Variants in LIN7B observed in about 807,000 individuals in gnomAD.
The protein encoded by LIN7B is lin-7 cell polarity scaffold B.
Under a neutral mutation model 27.9 loss-of-function variants are expected in LIN7B, and 16 were observed. The ratio of observed to expected loss-of-function variants is 0.57; its 90% confidence interval spans 0.39 to 0.87. The LOEUF (loss-of-function observed/expected upper bound fraction) is 0.87, where lower values mean the gene tolerates loss of function less well. Among genes scored for constraint, LIN7B ranks in the 40% least tolerant of loss-of-function variants. The probability of loss-of-function intolerance (pLI) is 0.00; values close to 1 mark genes in which losing one functional copy is unlikely to be tolerated. For synonymous variants in LIN7B, 147 were observed against 120.8 expected (o/e 1.22, Z -1.42); for missense variants, 291 against 288.5 (o/e 1.01, Z -0.06).
intron 4 of LIN7B, 95 bp downstream of exon 4, chr19:49,116,567 G>A: frequency 8.5e-7 from 1 of 1,173,154 alleles, no homozygotes. Context: ...ACTGAGTGTT[G>A]TCTGTATGGC....
At position 49,118,038 on chromosome 19, in the gene LIN7B, C is replaced by A; in HGVS notation, c.602+20C>A. ...CTACTCGTGAGCCCCTGGGTCACCA[C>A]ACCCCTGGGGCCTCCACGGGCTCCC... On this transcript the variant is annotated intron_variant, in intron 5 of 5. Coordinates refer to ENST00000221459, the MANE Select transcript of LIN7B (RefSeq NM_022165.3). The A allele has an allele frequency of 2.5e-6, 4 of 1,613,324 alleles. No individual in the cohort carries two copies. In the South Asian group the frequency reaches 4.4e-5, roughly 18 times the overall value.
rs780149711 is a variant in LIN7B, at chr19:49,117,974, G to A, written c.558G>A (p.Glu186=). Residue 186 remains glutamate, a synonymous_variant, in exon 5 of 6, where the codon GAG becomes GAA. Coordinates refer to ENST00000221459, the MANE Select transcript of LIN7B (RefSeq NM_022165.3). ...TGGAGGAGATGGAGGCCCGGTTCGA[G>A]AAGATGCGCTCTGCCCGCCGGCGCC... ...RVLEEMEARF[E]KMRSARRRQQ... The A allele has an allele frequency of 2.5e-6, 4 of 1,614,066 alleles. No individual in the cohort carries two copies. Among genetic ancestry groups the A allele is most frequent in the East Asian group, 2.2e-5 (1 of 44,884 alleles).
Position 49,116,307 on chromosome 19 carries a change from C to G in LIN7B, c.273C>G (p.Pro91=). 1 of 1,614,206 alleles carries G rather than the reference C, an allele frequency of 6.2e-7. No homozygotes were observed. The highest frequency in any genetic ancestry group is 1.1e-5 in the South Asian group (1 of 91,084). The change falls in exon 4 of 6, where the codon CCC becomes CCG. Residue 91 remains proline (P), a synonymous_variant. Coordinates refer to ENST00000221459, the MANE Select transcript of LIN7B (RefSeq NM_022165.3). ...AFTASEGHAH[P]RVVELPKTDE... ...CAGCCAGCGAGGGCCACGCACATCC[C>G]AGGGTAGTGGAGCTACCCAAGACGG...
At chr19:49,116,943 TA>T (rs1168618150) in intron 4 of LIN7B, among the ~76,000 whole-genome samples, 1 of 151,984 alleles carries the variant, frequency 6.6e-6, no homozygotes, top group Non-Finnish European at 1.5e-5. Context: ...GGCATGCAGG[TA>T]ATTAAAATCA....
chr19:49,114,830 C>A lies in LIN7B; in HGVS notation c.38-19C>A. ...GTCTCTGACACTCGGGGTTTCTGCG[C>A]CCCGCCCCCGCCCCGCAGACGTGTC... On this transcript the variant is annotated intron_variant, in intron 1 of 5. Transcript: ENST00000221459. The A allele has an allele frequency of 2.2e-6, 3 of 1,389,768 alleles. No homozygotes were observed. The highest frequency in any genetic ancestry group is 2.8e-6 in the Non-Finnish European group (3 of 1,061,342). 86.1% of individuals were successfully genotyped at this position (1,389,768 alleles called of 1,614,324 possible).
Position 49,116,282 on chromosome 19 carries a change from C to T in LIN7B, c.248C>T (p.Thr83Ile), listed in dbSNP as rs144988261. 6.1e-4 allele frequency: 992 copies of T among 1,613,592 alleles called. 1 individual carries two copies. The highest frequency in any genetic ancestry group is 7.5e-4 in the Non-Finnish European group (880 of 1,179,714). ...ATAKATVAAF[T>I]ASEGHAHPRV... The stretch of plus-strand genomic sequence containing the variant: ...TCCCAGGCCACAGTGGCTGCCTTCA[C>T]AGCCAGCGAGGGCCACGCACATCCC... Residue 83 changes from threonine (T) to isoleucine (I), a missense_variant, in exon 4 of 6, where the codon ACA becomes ATA. Thr to Ile is a moderately conservative substitution (Grantham distance 89). Transcript: ENST00000221459.
At chr19:49,114,647 C>G in intron 1 of LIN7B, 2 of 455,810 alleles carry the variant, frequency 4.4e-6, no homozygotes, top group East Asian at 3.6e-5. Context: ...CCTTACAACC[C>G]GGCCTGTGGA....
intron 3 of LIN7B, 57 bp from the exon 4 acceptor site, chr19:49,116,206 C>T: frequency 6.6e-7 from 1 of 1,513,078 alleles, no homozygotes; most frequent in Non-Finnish European, 9.1e-7. Context: ...TCCCCCACCC[C>T]AGCTTTCATG....
At chr19:49,116,520 T>C (rs1291282484) in intron 4 of LIN7B, 48 bp downstream of exon 4, 2 of 1,522,220 alleles carry the variant, frequency 1.3e-6, no homozygotes. Flanking sequence ...CTGTCTAACG[T>C]AGCATAGCCC....
At chr19:49,116,580 G>A (rs1600307572) in intron 4 of LIN7B, 108 bp downstream of exon 4, 1 of 1,041,588 alleles carries the variant, frequency 9.6e-7, no homozygotes, top group South Asian at 1.5e-5. Flanking sequence ...TGTATGGCTA[G>A]CCCTGTGCTG....
chr19:49,118,324 C>G, intron 5 of LIN7B, 28 bp from the exon 6 acceptor site: 1 of 1,613,970 alleles, frequency 6.2e-7, no homozygotes, highest in Non-Finnish European at 8.5e-7. Context: ...CTCCCTGATC[C>G]CGGGTCCCTT....
intron 3 of LIN7B, 135 bp downstream of exon 3, chr19:49,115,466 ATAATC>A (rs2040810859): frequency 2.7e-6 from 2 of 740,488 alleles, no homozygotes; most frequent in African/African-American, 3.6e-5. Context: ...CTATTAGTAA[ATAATC>A]GCACATTTTT....
At position 49,114,428 on chromosome 19, in the gene LIN7B, G is replaced by A. The variant is rs1296151611; in HGVS notation, c.24G>A (p.Leu8=). MAALVEP[L]GLERDVSRAV... is the part of the protein sequence containing the mutation. ...ACATGGCTGCGCTGGTGGAGCCGCT[G>A]GGGCTGGAGCGGGGTAAGCGTGCGC... The change falls in exon 1 of 6, where the codon CTG becomes CTA. Residue 8 remains leucine (L), a synonymous_variant. Transcript: ENST00000221459. 2.5e-6 allele frequency: 3 copies of A among 1,206,868 alleles called. No homozygotes were observed. The highest frequency in any genetic ancestry group is 3.2e-4 in the Middle Eastern group (1 of 3,078). 74.8% of individuals were successfully genotyped at this position (1,206,868 alleles called of 1,614,324 possible).
At chr19:49,117,715 A>T in intron 4 of LIN7B, 140 bp from the exon 5 acceptor site, 6 of 697,998 alleles carry the variant, frequency 8.6e-6, no homozygotes, top group Non-Finnish European at 1.5e-5. Flanking sequence ...ACCAGGAGTT[A>T]ATGACTCCCA....
intron 2 of LIN7B, 144 bp from the exon 3 acceptor site, chr19:49,115,116 C>G: frequency 3.3e-6 from 3 of 911,534 alleles, no homozygotes; most frequent in Non-Finnish European, 4.7e-6. Flanking sequence ...AGGGGTTCTT[C>G]GGGAGTTGTA....
rs1280148036 is a variant in LIN7B, at chr19:49,114,906, C to G, written c.95C>G (p.Pro32Arg). Reference sequence around the variant, plus strand: ...CTCCAGCGCAGCGGGGAGCTGCCGCCGCAGAAGCTGCAGGCCCTCCAGCGA... The same window carrying G: ...CTCCAGCGCAGCGGGGAGCTGCCGCGGCAGAAGCTGCAGGCCCTCCAGCGA... ...ERLQRSGELP[P>R]QKLQALQRVL... The change falls in exon 2 of 6, where the codon CCG (proline) becomes CGG (arginine). Residue 32 changes from proline to arginine, a missense_variant. Pro to Arg is a moderately radical substitution (Grantham distance 103). Transcript: ENST00000221459. 1 of 1,473,384 alleles carries G rather than the reference C, an allele frequency of 6.8e-7. No individual in the cohort carries two copies. The highest frequency in any genetic ancestry group is 1.3e-5 in the South Asian group (1 of 77,656). The allele number at this position is 1,473,384 out of a possible 1,614,324, so 91.3% of individuals were successfully genotyped here.
intron 1 of LIN7B, 88 bp from the exon 2 acceptor site, chr19:49,114,761 C>T (rs2040796102): frequency 1.3e-6 from 1 of 744,930 alleles, no homozygotes; most frequent in Non-Finnish European, 2.0e-6. Flanking sequence ...GGACTGTGCG[C>T]TCGGCCTCAC....
chr19:49,114,625 G>T, intron 1 of LIN7B, 184 bp downstream of exon 1: 1 of 490,880 alleles, frequency 2.0e-6, no homozygotes. Flanking sequence ...GGGCCGGGAC[G>T]CTGGGCGCCC....
chr19:49,116,553 A>C, intron 4 of LIN7B, 81 bp downstream of exon 4: 1 of 1,277,284 alleles, frequency 7.8e-7, no homozygotes, highest in Non-Finnish European at 1.1e-6. Context: ...TTCACTCAAC[A>C]CACACTGAGT....
Sources: allele counts gnomAD v4.1 joint callset (sites outside exome capture counted in the v4.1 genomes callset), GRCh38; gene constraint gnomAD v4.1.1; transcripts MANE v1.5; gene names NCBI Gene and HGNC (gene_info 2026-07-23, HGNC 2026-07-21).